KIR2DL3: variants seen among roughly 807,000 people sequenced by gnomAD.
KIR2DL3 encodes killer cell immunoglobulin like receptor, two Ig domains and long cytoplasmic tail 3.
A neutral mutation model predicts 33.8 loss-of-function variants in KIR2DL3; 39 were observed. That is an observed-to-expected ratio of 1.15 (90% CI 0.89 to 1.51). KIR2DL3 has a LOEUF of 1.51. Ranked by LOEUF, KIR2DL3 falls within the 40% of genes most tolerant of loss-of-function variation. The pLI is 0.00. For missense variants in KIR2DL3, 462 were observed against 426.2 expected (o/e 1.08, Z -0.74); for synonymous variants, 174 against 160.2 (o/e 1.09, Z -0.65).
At chr19:54,749,110 G>T (rs62124366) in intron 5 of KIR2DL3, among the ~76,000 whole-genome samples, 1,046 of 134,696 alleles carry the variant, frequency 7.8e-3, no homozygotes, top group South Asian at 0.016. Context: ...AATCTGATGT[G>T]GAAGGAAGAG....
In KIR2DL3 at chr19:54,742,149, C is replaced by T. The variant is rs142867512; in HGVS notation, c.240C>T (p.Val80=). ...TCATTGGAGAGCACCATGATGGGGT[C>T]TCCAAGGCCAACTTCTCCATCGGTC... is the stretch of plus-strand genomic sequence containing the variant. ...LHLIGEHHDG[V]SKANFSIGPM... The change falls in exon 3 of 8, where the codon GTC becomes GTT. Residue 80 remains valine (V), a synonymous_variant. Transcript: ENST00000342376. The T allele has an allele frequency of 2.7e-3, 4,424 of 1,613,992 alleles. 122 individuals carry two copies. In the African/African-American group the frequency reaches 0.05, roughly 18 times the overall value.
intron 2 of KIR2DL3, among the ~76,000 whole-genome samples, chr19:54,741,493 G>C (rs1215355523): frequency 6.6e-6 from 1 of 152,148 alleles, no homozygotes; most frequent in Non-Finnish European, 1.5e-5. Flanking sequence ...GCCTATGGAA[G>C]CTGGCACCAT....
At chr19:54,738,608 G>T (rs1476669724) in intron 1 of KIR2DL3, 29 bp downstream of exon 1, 3 of 1,614,020 alleles carry the variant, frequency 1.9e-6, no homozygotes, top group Middle Eastern at 1.6e-4. Context: ...TCGAGGGAGG[G>T]AGTGCGGGGA....
At chr19:54,740,817 C>A (rs1423637786) in intron 2 of KIR2DL3, among the ~76,000 whole-genome samples, 1 of 152,034 alleles carries the variant, frequency 6.6e-6, no homozygotes, top group African/African-American at 2.4e-5. Flanking sequence ...ACAGCCTGGA[C>A]TGTCCCACTG....
At chr19:54,748,253 T>A (rs112254705) in intron 5 of KIR2DL3, among the ~76,000 whole-genome samples, 6 of 151,856 alleles carry the variant, frequency 4.0e-5, no homozygotes, top group African/African-American at 1.5e-4. Context: ...TTCTTCCTTA[T>A]CTTTTGAAAA....
chr19:54,738,995 A>G (rs1418904639), intron 1 of KIR2DL3, among the ~76,000 whole-genome samples: 1 of 112,012 alleles, frequency 8.9e-6, no homozygotes, highest in Non-Finnish European at 1.8e-5. Context: ...GGAGGTGGAG[A>G]TACGGGCCTG....
chr19:54,745,876 G>T (rs1207905870), intron 4 of KIR2DL3, among the ~76,000 whole-genome samples: 20 of 137,974 alleles, frequency 1.4e-4, no homozygotes, highest in Middle Eastern at 4.0e-3. Context: ...GCAGTGGTGC[G>T]ATCTCGGCTC....
At position 54,745,281 on chromosome 19, in the gene KIR2DL3, T is replaced by C. The variant is rs1277294943; in HGVS notation, c.664+1193T>C. Among the ~76,000 whole-genome samples, 72 of 152,282 alleles carry C rather than the reference T, an allele frequency of 4.7e-4. No homozygotes were observed. The East Asian group carries it at 0.012, about 24-fold the overall frequency. ...TACGAGTGCAGATATCACTTCGATA[T>C]ATTGATTTACTTTCCTTTGGATATA... On this transcript the variant is annotated intron_variant, in intron 4 of 7. Transcript: ENST00000342376.
At chr19:54,743,571 C>A (rs1373241413) in intron 3 of KIR2DL3, among the ~76,000 whole-genome samples, 1 of 151,814 alleles carries the variant, frequency 6.6e-6, no homozygotes, top group African/African-American at 2.4e-5. Flanking sequence ...TAAAAGAATC[C>A]AAAAAGGGAA....
intron 2 of KIR2DL3, among the ~76,000 whole-genome samples, chr19:54,741,268 A>C (rs1232360117): frequency 1.3e-5 from 2 of 151,342 alleles, no homozygotes; most frequent in Non-Finnish European, 2.9e-5. Context: ...TGAACCCAGG[A>C]GACAGAGGTT....
rs1268724530 is a variant in KIR2DL3, at chr19:54,738,999, G to A, written c.34+420G>A. Among the ~76,000 whole-genome samples the A allele has an allele frequency of 1.6e-4, 24 of 148,402 alleles. 1 individual carries two copies. The South Asian group carries it at 2.0e-3, about 12-fold the overall frequency. ...GATATGGGTCTGGAGGTGGAGATAC[G>A]GGCCTGCAGTAGAGATATGGGCCTG... is the stretch of plus-strand genomic sequence containing the variant. On this transcript the variant is annotated intron_variant, in intron 1 of 7. Transcript: ENST00000342376.
At chr19:54,751,803 C>T (rs1425990424) in intron 6 of KIR2DL3, 50 bp downstream of exon 6, 2 of 1,346,230 alleles carry the variant, frequency 1.5e-6, no homozygotes, top group Non-Finnish European at 2.0e-6. Flanking sequence ...TGTGGGGAAG[C>T]AGGATGGGAG....
At position 54,744,018 on chromosome 19, in the gene KIR2DL3, C is replaced by G; in HGVS notation, c.594C>G (p.Cys198Trp). Residue 198 changes from cysteine (C) to tryptophan (W), a missense_variant, in exon 4 of 8, where the codon TGC becomes TGG. By Grantham distance (215) the Cys-to-Trp change is radical. Transcript: ENST00000342376. ...GPATHGGTYR[C>W]FGSFRDSPYE... ...CCACCCACGGAGGAACCTACAGATGCTTCGGCTCTTTCCGTGACTCTCCAT... is the reference window on the plus strand; with the variant it reads ...CCACCCACGGAGGAACCTACAGATGGTTCGGCTCTTTCCGTGACTCTCCAT... 6.2e-7 allele frequency: 1 copy of G among 1,614,272 alleles called. No individual in the cohort carries two copies. The highest frequency in any genetic ancestry group is 8.5e-7 in the Non-Finnish European group (1 of 1,180,056).
Position 54,751,754 on chromosome 19 carries a change from G to C in KIR2DL3, c.820+1G>C. 6.9e-7 allele frequency: 1 copy of C among 1,459,318 alleles called. No individual in the cohort carries two copies. Among genetic ancestry groups the C allele is most frequent in the Non-Finnish European group, 9.3e-7 (1 of 1,072,654 alleles). The allele number at this position is 1,459,318 out of a possible 1,614,324, so 90.4% of individuals were successfully genotyped here. On this transcript the variant is annotated splice_donor_variant, in intron 6 of 7. Transcript: ENST00000342376. LOFTEE classifies it high-confidence loss of function. ...CATCGCTGGTGCTGCAACAAAAAAA[G>C]TAAGTCTCACGAAGCAGAGGCCAGA...
rs185555653 is a variant in KIR2DL3, at chr19:54,752,957, C to G, written c.*438C>G. Reference sequence around the variant, plus strand: ...TCATGCTGTTCCACCTCCCCTCAGACTAGCTTTCAGCCTTCTGTCAGCAGT... The same window carrying G: ...TCATGCTGTTCCACCTCCCCTCAGAGTAGCTTTCAGCCTTCTGTCAGCAGT... On this transcript the variant is annotated 3_prime_UTR_variant, in exon 8 of 8. Coordinates refer to ENST00000342376, the MANE Select transcript of KIR2DL3 (RefSeq NM_015868.3). 0.014 allele frequency: 3,246 copies of G among 231,306 alleles called. 220 individuals are homozygous for G. The highest frequency in any genetic ancestry group is 0.017 in the Non-Finnish European group (2,069 of 119,810). 14.3% of individuals were successfully genotyped at this position (231,306 alleles called of 1,614,324 possible). A position where few individuals can be genotyped will look rare whatever the true frequency, so the allele number is the denominator to read the frequency against.
chr19:54,752,027 T>G (rs1221351574), intron 6 of KIR2DL3, among the ~76,000 whole-genome samples, 189 bp from the exon 7 acceptor site: 1 of 135,284 alleles, frequency 7.4e-6, no homozygotes, highest in Non-Finnish European at 1.6e-5. Context: ...ACAGAATCAA[T>G]GGGATGGGAA....
At chr19:54,749,311 G>A (rs2147157684) in intron 5 of KIR2DL3, among the ~76,000 whole-genome samples, 1 of 148,354 alleles carries the variant, frequency 6.7e-6, no homozygotes, top group South Asian at 2.2e-4. Flanking sequence ...GAAAATAAGG[G>A]AGGCTCAGTT....
At chr19:54,741,256 C>T (rs2071035520) in intron 2 of KIR2DL3, among the ~76,000 whole-genome samples, 1 of 151,410 alleles carries the variant, frequency 6.6e-6, no homozygotes, top group South Asian at 2.1e-4. Context: ...AGGAGAATCA[C>T]TTGAACCCAG....
At position 54,747,677 on chromosome 19, in the gene KIR2DL3, C is replaced by A. The variant is rs1328226535; in HGVS notation, c.715+292C>A. Among the ~76,000 whole-genome samples the A allele has an allele frequency of 3.3e-5, 5 of 152,172 alleles. No homozygotes were observed. In the South Asian group the frequency reaches 8.3e-4, roughly 25 times the overall value. On this transcript the variant is annotated intron_variant, in intron 5 of 7. Coordinates refer to ENST00000342376, the MANE Select transcript of KIR2DL3 (RefSeq NM_015868.3). ...ATGTTTGTTCTGCCTGCATTCCTAA[C>A]TGGAGGATAAATTCCTGGGGGCTTG...
Sources: allele counts gnomAD v4.1 joint callset (sites outside exome capture counted in the v4.1 genomes callset), GRCh38; gene constraint gnomAD v4.1.1; transcripts MANE v1.5; gene names NCBI Gene and HGNC (gene_info 2026-07-23, HGNC 2026-07-21).